The following TAOK3 variants were observed in gnomAD, a reference collection of about 807,000 sequenced individuals.
TAOK3 encodes TAO kinase 3.
In TAOK3, 40 loss-of-function variants were observed where a neutral mutation model predicts 120.4. That is an observed-to-expected ratio of 0.33 (90% CI 0.26 to 0.43). TAOK3 has a LOEUF of 0.43. TAOK3 is among the 20% of genes least tolerant of loss of function. The pLI is 1.00. For synonymous variants in TAOK3, 355 were observed against 387.5 expected, an observed-to-expected ratio of 0.92 and a Z score of 0.99; for missense variants, 821 against 1,112.1, an observed-to-expected ratio of 0.74 and a Z score of 3.72.
At chr12:118,319,441 A>G (rs1336057719) in intron 1 of TAOK3, among the ~76,000 whole-genome samples, 1 of 152,160 alleles carries the variant, frequency 6.6e-6, no homozygotes, top group Admixed American at 6.6e-5. Flanking sequence ...TAGAAACCTG[A>G]TAATAATCTA....
chr12:118,168,623 CT>C, intron 17 of TAOK3, among the ~76,000 whole-genome samples: 2 of 152,144 alleles, frequency 1.3e-5, no homozygotes, highest in South Asian at 4.1e-4. Context: ...AAGGTGGGCT[CT>C]GGAATAAGAC....
intron 7 of TAOK3, 32 bp downstream of exon 7, chr12:118,238,041 T>C (rs755991951): frequency 7.0e-7 from 1 of 1,437,038 alleles, no homozygotes; most frequent in Admixed American, 1.8e-5. Flanking sequence ...GTCCTGCAAC[T>C]GAAAAGAAAC....
Position 118,351,907 on chromosome 12 carries a change from T to C in TAOK3, c.-194+20741A>G, listed in dbSNP as rs577221556. Among the ~76,000 whole-genome samples the C allele has an allele frequency of 8.2e-4, 113 of 138,030 alleles. 1 individual carries two copies. The highest frequency in any genetic ancestry group is 2.9e-3 in the African/African-American group (110 of 38,388). The allele number at this position is 138,030 out of a possible 152,430, so 90.6% of individuals were successfully genotyped here. ...TTTTTTTTTAGTGGCGGAGTCTCCC[T>C]CTTTCACCCAGGCCAGACTGCAGTG... On this transcript the variant is annotated intron_variant, in intron 1 of 20. Coordinates refer to ENST00000392533, the MANE Select transcript of TAOK3 (RefSeq NM_016281.4).
chr12:118,177,861 A>C (rs1398347491), intron 15 of TAOK3, among the ~76,000 whole-genome samples: 1 of 152,118 alleles, frequency 6.6e-6, no homozygotes. Flanking sequence ...AGAAAAATAC[A>C]TTCTGAATTA....
At chr12:118,300,024 A>C (rs2042822023) in intron 1 of TAOK3, among the ~76,000 whole-genome samples, 2 of 152,144 alleles carry the variant, frequency 1.3e-5, no homozygotes, top group Admixed American at 1.3e-4. Flanking sequence ...TGTACAAATA[A>C]AGCAGAATTA....
chr12:118,273,534 G>A lies in TAOK3; in HGVS notation c.-193-6775C>T, dbSNP rs1370683873. 3.3e-5 allele frequency among the ~76,000 whole-genome samples: 5 copies of A among 151,008 alleles called. No homozygotes were observed. In the East Asian group the frequency reaches 7.9e-4, roughly 24 times the overall value. ...AAAAAAAAGAAAAAGAAAAAAATAG[G>A]TCGGGCATAGTGGCTCATGCCTATA... On this transcript the variant is annotated intron_variant, in intron 1 of 20. Transcript: ENST00000392533.
intron 11 of TAOK3, among the ~76,000 whole-genome samples, chr12:118,203,923 C>G (rs904063965): frequency 1.3e-5 from 2 of 152,132 alleles, no homozygotes; most frequent in African/African-American, 4.8e-5. Flanking sequence ...CCTTATATAG[C>G]CCCTTTTATG....
rs775250299 is a variant in TAOK3, at chr12:118,177,356, G to C, written c.1567-27C>G. 3.2e-5 allele frequency: 51 copies of C among 1,609,770 alleles called. No individual in the cohort carries two copies. The Admixed American group carries it at 8.3e-4, about 26-fold the overall frequency. ...TGATAAAATAACAAATACAATGTAG[G>C]ATGAATCTATTCTTTACACAGAATT... On this transcript the variant is annotated intron_variant, in intron 15 of 20. Coordinates refer to ENST00000392533, the MANE Select transcript of TAOK3 (RefSeq NM_016281.4).
rs146098464 is a variant in TAOK3 at position 118,166,925 on chromosome 12, G to C, written c.1900-4898C>G. Among the ~76,000 whole-genome samples the C allele has an allele frequency of 1.2e-3, 175 of 151,386 alleles. 1 individual carries two copies. Among genetic ancestry groups the C allele is most frequent in the Non-Finnish European group, 2.0e-3 (137 of 67,870 alleles). The stretch of plus-strand genomic sequence containing the variant: ...AGATACATGCAGCTTCCTTTCCCTC[G>C]GTCAATGTCCAGTGTGTTTCAAGCA... On this transcript the variant is annotated intron_variant, in intron 17 of 20. Coordinates refer to ENST00000392533, the MANE Select transcript of TAOK3 (RefSeq NM_016281.4).
At chr12:118,354,862 A>T (rs576075476) in intron 1 of TAOK3, among the ~76,000 whole-genome samples, 1 of 152,140 alleles carries the variant, frequency 6.6e-6, no homozygotes, top group East Asian at 1.9e-4. Flanking sequence ...TTTCCTGTAT[A>T]AATTACCCAG....
chr12:118,323,590 A>G (rs539485663), intron 1 of TAOK3, among the ~76,000 whole-genome samples: 1 of 152,308 alleles, frequency 6.6e-6, no homozygotes, highest in South Asian at 2.1e-4. Context: ...GGGGGAAATA[A>G]GATGATAGCT....
At chr12:118,273,732 C>T (rs2041808176) in intron 1 of TAOK3, among the ~76,000 whole-genome samples, 1 of 152,074 alleles carries the variant, frequency 6.6e-6, no homozygotes, top group Non-Finnish European at 1.5e-5. Context: ...AGGAGAATAG[C>T]TTGAACCCAG....
At chr12:118,198,583 C>G (rs1287582086) in intron 13 of TAOK3, 1 of 168,006 alleles carries the variant, frequency 6.0e-6, no homozygotes, top group Non-Finnish European at 1.3e-5. Flanking sequence ...GACGGGGTTT[C>G]GCCATGTTGG....
intron 1 of TAOK3, among the ~76,000 whole-genome samples, chr12:118,313,300 G>A (rs115981023): frequency 0.014 from 2,123 of 149,996 alleles, 49 homozygotes; most frequent in African/African-American, 0.049. Flanking sequence ...TTTTGAGACC[G>A]AGTTTTTGCT....
intron 1 of TAOK3, among the ~76,000 whole-genome samples, chr12:118,324,584 G>C (rs1009501529): frequency 5.3e-5 from 8 of 151,702 alleles, no homozygotes; most frequent in African/African-American, 1.9e-4. Flanking sequence ...CATCATTCTA[G>C]TTTCTATCTG....
Position 118,152,224 on chromosome 12 carries a change from T to C in TAOK3, c.2535+3A>G. The C allele has an allele frequency of 6.2e-7, 1 of 1,612,194 alleles. No homozygotes were observed. Among genetic ancestry groups the C allele is most frequent in the Non-Finnish European group, 8.5e-7 (1 of 1,178,404 alleles). On this transcript the variant is annotated splice_donor_region_variant and intron_variant, in intron 20 of 20. Transcript: ENST00000392533. ...CACCGGACCCCTGGTAATGCTCCCT[T>C]ACCTTCTGCTCAAGGTGTGCTCTGC...
chr12:118,233,879 AGATATT>A (rs2039894310), intron 8 of TAOK3, 114 bp from the exon 9 acceptor site: 2 of 677,558 alleles, frequency 3.0e-6, no homozygotes, highest in Admixed American at 6.1e-5. Context: ...TATCTGATAT[AGATATT>A]ATTTCCTTAC....
At chr12:118,183,116 T>C (rs1252728478) in intron 14 of TAOK3, among the ~76,000 whole-genome samples, 1 of 152,194 alleles carries the variant, frequency 6.6e-6, no homozygotes, top group Non-Finnish European at 1.5e-5. Context: ...CTATCTACTG[T>C]AAGGCCCATC....
intron 1 of TAOK3, among the ~76,000 whole-genome samples, chr12:118,328,028 T>A (rs2044000197): frequency 6.6e-6 from 1 of 151,972 alleles, no homozygotes; most frequent in Non-Finnish European, 1.5e-5. Context: ...CCACCGTGTT[T>A]CCCCTTTCAC....
Sources: gnomAD v4.1 joint callset for allele counts (sites outside exome capture counted in the v4.1 genomes callset) on GRCh38, gnomAD v4.1.1 for gene constraint, MANE v1.5 for transcripts, NCBI Gene and HGNC (gene_info 2026-07-23, HGNC 2026-07-21) for gene names.